PRKD1: variants seen among roughly 807,000 people sequenced by gnomAD.
PRKD1 encodes the protein serine/threonine-protein kinase D1.
A neutral mutation model predicts 95.9 loss-of-function variants in PRKD1; 63 were observed. The ratio of observed to expected loss-of-function variants is 0.66; its 90% CI spans 0.54 to 0.81. PRKD1 has a LOEUF of 0.81. Ranked by LOEUF, PRKD1 falls within the 30% of genes least tolerant of loss-of-function variation. The pLI, the probability that PRKD1 is intolerant of heterozygous loss-of-function variation, is 0.00. For synonymous variants in PRKD1, 425 were observed against 423.1 expected, an observed-to-expected ratio of 1.00 and a Z score of -0.05; for missense variants, 1,048 against 1,165.3, an observed-to-expected ratio of 0.90 and a Z score of 1.47.
intron 1 of PRKD1, among the ~76,000 whole-genome samples, chr14:29,809,000 A>T (rs939642152): frequency 1.3e-5 from 2 of 152,352 alleles, no homozygotes; most frequent in South Asian, 4.1e-4. Context: ...TTGAAAGTTG[A>T]AATTACTCTC....
chr14:29,684,143 G>GTT (rs11285857), intron 2 of PRKD1, among the ~76,000 whole-genome samples: 24 of 135,806 alleles, frequency 1.8e-4, no homozygotes, highest in Non-Finnish European at 1.4e-4. Flanking sequence ...CTTTAGAATG[G>GTT]TTTTTTTTTT....
chr14:29,846,124 T>C (rs935206842), intron 1 of PRKD1, among the ~76,000 whole-genome samples: 7 of 152,202 alleles, frequency 4.6e-5, no homozygotes, highest in African/African-American at 1.7e-4. Context: ...TATTTATTCA[T>C]TCAATATCAA....
intron 1 of PRKD1, among the ~76,000 whole-genome samples, chr14:29,894,421 G>T (rs1235808863): frequency 6.6e-6 from 1 of 152,214 alleles, no homozygotes; most frequent in African/African-American, 2.4e-5. Context: ...GGAGTTCCAG[G>T]GTTGTATTCT....
intron 1 of PRKD1, among the ~76,000 whole-genome samples, chr14:29,888,979 T>C (rs1024477805): frequency 1.3e-5 from 2 of 152,188 alleles, no homozygotes; most frequent in Admixed American, 1.3e-4. Flanking sequence ...TTCAAGCATC[T>C]ATCTTTCCTA....
chr14:29,854,324 G>T (rs1317515495), intron 1 of PRKD1, among the ~76,000 whole-genome samples: 2 of 152,208 alleles, frequency 1.3e-5, no homozygotes, highest in Non-Finnish European at 2.9e-5. Flanking sequence ...GGCTGAGATG[G>T]TCTCAGATGG....
At chr14:29,786,151 T>C in intron 1 of PRKD1, among the ~76,000 whole-genome samples, 1 of 152,196 alleles carries the variant, frequency 6.6e-6, no homozygotes, top group Non-Finnish European at 1.5e-5. Flanking sequence ...CATTTATTGA[T>C]TTATGTATGT....
intron 2 of PRKD1, among the ~76,000 whole-genome samples, chr14:29,704,248 G>T (rs1419331115): frequency 6.6e-6 from 1 of 151,826 alleles, no homozygotes; most frequent in African/African-American, 2.4e-5. Context: ...ATGTAATTAT[G>T]GCATAACCAT....
At chr14:29,611,592 A>G (rs1878470604) in intron 13 of PRKD1, among the ~76,000 whole-genome samples, 1 of 152,158 alleles carries the variant, frequency 6.6e-6, no homozygotes, top group Non-Finnish European at 1.5e-5. Flanking sequence ...CCAGCAGAAA[A>G]AGGCCACAAA....
chr14:29,648,514 T>G (rs1036929946), intron 4 of PRKD1, among the ~76,000 whole-genome samples: 1 of 152,226 alleles, frequency 6.6e-6, no homozygotes, highest in African/African-American at 2.4e-5. Flanking sequence ...ATGACAACCA[T>G]TCACTAAAAA....
intron 1 of PRKD1, among the ~76,000 whole-genome samples, chr14:29,850,184 C>T (rs1892252343): frequency 6.6e-6 from 1 of 152,024 alleles, no homozygotes; most frequent in Non-Finnish European, 1.5e-5. Context: ...CAACATAGTA[C>T]TGGAAGTCCT....
rs1344368744 is a variant in PRKD1 at position 29,823,802 on chromosome 14, C to T, written c.265-98128G>A. Among the ~76,000 whole-genome samples the T allele has an allele frequency of 2.6e-5, 4 of 152,122 alleles. No homozygotes were observed. In the East Asian group the frequency reaches 5.8e-4, roughly 22 times the overall value. On this transcript the variant is annotated intron_variant, in intron 1 of 17. Coordinates refer to ENST00000331968, the MANE Select transcript of PRKD1 (RefSeq NM_002742.3). ...TAAAAATTCCAAAATATTACATTCA[C>T]GTTAATAAACATTTTTCATTTGAAT... is the stretch of plus-strand genomic sequence containing the variant.
chr14:29,733,814 AT>A (rs1193885740), intron 1 of PRKD1, among the ~76,000 whole-genome samples: 2 of 152,138 alleles, frequency 1.3e-5, no homozygotes, highest in African/African-American at 4.8e-5. Context: ...AAGCCTAACC[AT>A]ATATACCCAG....
chr14:29,727,287 G>A (rs188415811), intron 1 of PRKD1, among the ~76,000 whole-genome samples: 145 of 152,092 alleles, frequency 9.5e-4, no homozygotes, highest in Admixed American at 1.7e-3. Flanking sequence ...TGTATATTCC[G>A]GATATTAGCC....
intron 2 of PRKD1, among the ~76,000 whole-genome samples, chr14:29,709,957 A>G (rs1291879798): frequency 6.6e-6 from 1 of 152,190 alleles, no homozygotes; most frequent in Non-Finnish European, 1.5e-5. Flanking sequence ...TAGCAATCCC[A>G]GTTGGTTATA....
At position 29,775,433 on chromosome 14, in the gene PRKD1, G is replaced by A. The variant is rs562434360; in HGVS notation, c.265-49759C>T. ...TGTGACAGATGGCACCTGGAAAATC[G>A]GGTCACTCCCACCCTAATGCTGCGC... On this transcript the variant is annotated intron_variant, in intron 1 of 17. Coordinates refer to ENST00000331968, the MANE Select transcript of PRKD1 (RefSeq NM_002742.3). Among the ~76,000 whole-genome samples, 153 of 152,290 alleles carry A rather than the reference G, an allele frequency of 1.0e-3. 1 individual carries two copies. Among genetic ancestry groups the A allele is most frequent in the African/African-American group, 3.4e-3 (143 of 41,568 alleles).
rs186776130 is a variant in PRKD1, at chr14:29,648,798, G to T, written c.697-9894C>A. ...GCCTCCTGAGTAGCTGGGACTACAGGCACTCACCACCATGCCCAGCTAATT... is the reference window on the plus strand; with the variant it reads ...GCCTCCTGAGTAGCTGGGACTACAGTCACTCACCACCATGCCCAGCTAATT... On this transcript the variant is annotated intron_variant, in intron 4 of 17. Transcript: ENST00000331968. Among the ~76,000 whole-genome samples, 52 of 152,262 alleles carry T rather than the reference G, an allele frequency of 3.4e-4. No individual in the cohort carries two copies. The East Asian group carries it at 9.1e-3, about 27-fold the overall frequency.
chr14:29,700,978 G>A lies in PRKD1; in HGVS notation c.403+24558C>T, dbSNP rs1340601963. Among the ~76,000 whole-genome samples the A allele has an allele frequency of 8.2e-3, 270 of 33,008 alleles. No homozygotes were observed. The African/African-American group carries it at 0.13, about 15-fold the overall frequency. The allele number at this position is 33,008 out of a possible 152,430, so 21.7% of individuals were successfully genotyped here. A position where few individuals can be genotyped will look rare whatever the true frequency, so the allele number is the denominator to read the frequency against. ...CATTTGTGTGTACGCGTGCGCATGC[G>A]CGCGCGCGCGCACACACACACACAC... On this transcript the variant is annotated intron_variant, in intron 2 of 17. Transcript: ENST00000331968.
intron 1 of PRKD1, among the ~76,000 whole-genome samples, chr14:29,914,910 G>A (rs1191432844): frequency 6.6e-6 from 1 of 151,922 alleles, no homozygotes; most frequent in Non-Finnish European, 1.5e-5. Flanking sequence ...ATTTTTAGTA[G>A]AGACGGGGTT....
chr14:29,912,787 G>C (rs73243937), intron 1 of PRKD1, among the ~76,000 whole-genome samples: 5,843 of 152,276 alleles, frequency 0.038, 385 homozygotes, highest in African/African-American at 0.13. Context: ...TTGAAACTAT[G>C]ATACACAGTG....
Sources: allele counts gnomAD v4.1 joint callset (sites outside exome capture counted in the v4.1 genomes callset), GRCh38; gene constraint gnomAD v4.1.1; transcripts MANE v1.5; gene names NCBI Gene and HGNC (gene_info 2026-07-23, HGNC 2026-07-21).